ASTN2: variants seen among roughly 807,000 people sequenced by gnomAD.
ASTN2 encodes astrotactin 2.
Under a neutral mutation model 139.8 loss-of-function variants are expected in ASTN2, and 54 were observed. The ratio of observed to expected loss-of-function variants is 0.39; its 90% CI spans 0.31 to 0.48. The LOEUF (loss-of-function observed/expected upper bound fraction) is 0.48. Among genes scored for constraint, ASTN2 ranks in the 20% least tolerant of loss-of-function variants. ASTN2 has a pLI of 0.95. For missense variants in ASTN2, 1,565 were observed against 1,725.1 expected, an observed-to-expected ratio of 0.91 and a Z score of 1.64; for synonymous variants, 756 against 719.5, an observed-to-expected ratio of 1.05 and a Z score of -0.81.
chr9:116,619,733 T>A (rs961657219), intron 18 of ASTN2, among the ~76,000 whole-genome samples: 1 of 147,474 alleles, frequency 6.8e-6, no homozygotes, highest in South Asian at 2.3e-4. Flanking sequence ...GGTCTCATTA[T>A]GTTGCCCAAG....
chr9:116,642,322 T>C (rs1407111734), intron 17 of ASTN2, among the ~76,000 whole-genome samples: 1 of 152,012 alleles, frequency 6.6e-6, no homozygotes. Flanking sequence ...TACTTTTTAA[T>C]ATACTATATT....
At chr9:116,453,409 C>T (rs144198377) in intron 20 of ASTN2, among the ~76,000 whole-genome samples, 2,595 of 151,406 alleles carry the variant, frequency 0.017, 30 homozygotes, top group Middle Eastern at 0.031. Context: ...CTGGCTAACA[C>T]GGTGAAACCC....
rs564992097 is a variant in ASTN2 at position 117,002,492 on chromosome 9, TAA to T, written c.1591+5598_1591+5599del. On this transcript the variant is annotated intron_variant, in intron 7 of 22. Coordinates refer to ENST00000313400, the MANE Select transcript of ASTN2 (RefSeq NM_001365068.1). ...GGATGATGTTGGAGATGTGTTGGAA[TAA>T]GAGAGTAAGACCAGGGTATCCTAGA... Among the ~76,000 whole-genome samples the T allele has an allele frequency of 3.3e-5, 5 of 152,256 alleles. No homozygotes were observed. The South Asian group carries it at 1.0e-3, about 32-fold the overall frequency.
At chr9:116,700,686 A>G (rs1451632345) in intron 16 of ASTN2, 1 of 166,926 alleles carries the variant, frequency 6.0e-6, no homozygotes, top group East Asian at 1.9e-4. Context: ...AGTACATACT[A>G]TTTGGTTTCA....
intron 1 of ASTN2, among the ~76,000 whole-genome samples, chr9:117,379,120 A>T (rs1322590528): frequency 6.6e-6 from 1 of 152,172 alleles, no homozygotes; most frequent in Non-Finnish European, 1.5e-5. Flanking sequence ...TAAGACAATT[A>T]AACCTCTTTT....
At chr9:116,902,407 A>C (rs1290310127) in intron 10 of ASTN2, among the ~76,000 whole-genome samples, 1 of 152,238 alleles carries the variant, frequency 6.6e-6, no homozygotes, top group Non-Finnish European at 1.5e-5. Flanking sequence ...GTGTTACATA[A>C]AAGTGTAAAG....
intron 3 of ASTN2, among the ~76,000 whole-genome samples, chr9:117,146,893 G>C (rs1275731758): frequency 1.3e-5 from 2 of 152,188 alleles, no homozygotes; most frequent in Non-Finnish European, 2.9e-5. Context: ...ATAGCTAGAA[G>C]AGAGGATTTT....
At chr9:116,432,481 TTC>T (rs1847528050) in intron 22 of ASTN2, among the ~76,000 whole-genome samples, 1 of 152,198 alleles carries the variant, frequency 6.6e-6, no homozygotes, top group African/African-American at 2.4e-5. Flanking sequence ...AACTCCACAA[TTC>T]TCTGTTGCCT....
intron 1 of ASTN2, among the ~76,000 whole-genome samples, chr9:117,302,064 A>AC (rs966473468): frequency 5.3e-5 from 6 of 112,370 alleles, no homozygotes; most frequent in African/African-American, 3.5e-5. Flanking sequence ...GGCAAGAAGC[A>AC]CCTGGTTGTT....
intron 7 of ASTN2, among the ~76,000 whole-genome samples, chr9:116,985,293 C>T (rs937903320): frequency 2.6e-5 from 4 of 152,236 alleles, no homozygotes; most frequent in African/African-American, 9.6e-5. Context: ...TATTCATCAG[C>T]ACGCCTCTGA....
intron 1 of ASTN2, among the ~76,000 whole-genome samples, chr9:117,320,587 A>G (rs1828295113): frequency 6.6e-6 from 1 of 152,206 alleles, no homozygotes; most frequent in Non-Finnish European, 1.5e-5. Flanking sequence ...AAGTTGGTCT[A>G]ACTTTAAAGT....
At chr9:117,175,055 C>T (rs1261258660) in intron 3 of ASTN2, among the ~76,000 whole-genome samples, 1 of 151,764 alleles carries the variant, frequency 6.6e-6, no homozygotes, top group African/African-American at 2.4e-5. Flanking sequence ...GTCATTTTTT[C>T]CACATGAAAA....
chr9:116,837,084 G>T (rs1021883175), intron 11 of ASTN2, among the ~76,000 whole-genome samples: 1 of 152,144 alleles, frequency 6.6e-6, no homozygotes, highest in Non-Finnish European at 1.5e-5. Flanking sequence ...AAGTGATTTT[G>T]TTTGCTACTT....
chr9:117,350,807 C>T (rs1288720112), intron 1 of ASTN2, among the ~76,000 whole-genome samples: 2 of 152,112 alleles, frequency 1.3e-5, no homozygotes, highest in Non-Finnish European at 2.9e-5. Context: ...GCAGAGAAAG[C>T]TTGTCATATA....
chr9:117,013,490 T>A (rs141793629), intron 6 of ASTN2, among the ~76,000 whole-genome samples: 33,612 of 91,426 alleles, frequency 0.37, 4,432 homozygotes, highest in East Asian at 0.5. Flanking sequence ...ATATATATTT[T>A]TTTTTTTCTC....
At chr9:116,566,668 G>A (rs1853249339) in intron 19 of ASTN2, among the ~76,000 whole-genome samples, 1 of 152,162 alleles carries the variant, frequency 6.6e-6, no homozygotes, top group Admixed American at 6.5e-5. Context: ...GCCCTAGTCT[G>A]AGTACTCTGA....
intron 10 of ASTN2, among the ~76,000 whole-genome samples, chr9:116,904,592 G>A (rs953198488): frequency 1.5e-4 from 23 of 152,120 alleles, no homozygotes; most frequent in African/African-American, 5.3e-4. Context: ...CATCTTAGAA[G>A]GTTGGAATCA....
At chr9:116,505,136 C>A (rs1850052974) in intron 19 of ASTN2, among the ~76,000 whole-genome samples, 1 of 151,648 alleles carries the variant, frequency 6.6e-6, no homozygotes, top group Admixed American at 6.6e-5. Context: ...ACTAACTATG[C>A]TAGCACATCA....
chr9:116,721,985 A>G lies in ASTN2; in HGVS notation c.2806+3786T>C, dbSNP rs189221431. ...CCAACTGATCATCTCAATGATCCCA[A>G]TAACTTACACACAGTGTTCTAGACA... On this transcript the variant is annotated intron_variant, in intron 16 of 22. Transcript: ENST00000313400. Among the ~76,000 whole-genome samples the G allele has an allele frequency of 6.8e-4, 104 of 152,334 alleles. 1 individual carries two copies. Among genetic ancestry groups the G allele is most frequent in the African/African-American group, 2.4e-3 (99 of 41,582 alleles).
Sources: gnomAD v4.1 joint callset for allele counts (sites outside exome capture counted in the v4.1 genomes callset) on GRCh38, gnomAD v4.1.1 for gene constraint, MANE v1.5 for transcripts, NCBI Gene and HGNC (gene_info 2026-07-23, HGNC 2026-07-21) for gene names.